The following ST6GALNAC3 variants were observed in gnomAD, a reference collection of about 807,000 sequenced individuals.
ST6GALNAC3 encodes ST6 N-acetylgalactosaminide alpha-2,6-sialyltransferase 3, also known as alpha-N-acetylgalactosaminide alpha-2,6-sialyltransferase 3.
A neutral mutation model predicts 32.7 loss-of-function variants in ST6GALNAC3; 25 were observed. The observed-to-expected ratio is 0.76, with a 90% CI of 0.56 to 1.07. The LOEUF is 1.07. ST6GALNAC3 is among the 50% of genes least tolerant of loss of function. ST6GALNAC3 has a pLI of 0.00. For missense variants in ST6GALNAC3, 355 were observed against 382.4 expected (o/e 0.93, Z 0.60); for synonymous variants, 129 against 133.1 (o/e 0.97, Z 0.21).
At chr1:76,489,309 A>G (rs1028019908) in intron 3 of ST6GALNAC3, among the ~76,000 whole-genome samples, 2 of 151,886 alleles carry the variant, frequency 1.3e-5, no homozygotes, top group African/African-American at 4.8e-5. Context: ...TAAAACTATT[A>G]TGTTCCTCAT....
At chr1:76,535,579 T>TA (rs966560508) in intron 3 of ST6GALNAC3, among the ~76,000 whole-genome samples, 29 of 152,268 alleles carry the variant, frequency 1.9e-4, no homozygotes, top group African/African-American at 6.7e-4. Flanking sequence ...CAATCTATTT[T>TA]AAAAAATGAC....
chr1:76,291,403 C>T (rs1227681641), intron 1 of ST6GALNAC3, among the ~76,000 whole-genome samples: 1 of 152,216 alleles, frequency 6.6e-6, no homozygotes. Flanking sequence ...GAGCATGAGG[C>T]CCGGCCAATT....
At chr1:76,505,406 G>C (rs1005567886) in intron 3 of ST6GALNAC3, among the ~76,000 whole-genome samples, 1 of 152,144 alleles carries the variant, frequency 6.6e-6, no homozygotes, top group African/African-American at 2.4e-5. Context: ...ACAGGCATGA[G>C]CCACTGCGCC....
intron 1 of ST6GALNAC3, among the ~76,000 whole-genome samples, chr1:76,088,655 T>A (rs1646997053): frequency 6.6e-6 from 1 of 152,096 alleles, no homozygotes; most frequent in Non-Finnish European, 1.5e-5. Context: ...GCCAGAGTGA[T>A]CTTTTAAAAA....
intron 3 of ST6GALNAC3, among the ~76,000 whole-genome samples, chr1:76,418,461 C>T (rs1365183760): frequency 1.3e-5 from 2 of 152,142 alleles, no homozygotes; most frequent in Non-Finnish European, 1.5e-5. Flanking sequence ...CAGAAATGTG[C>T]ATAGTTTGCC....
At chr1:76,244,073 C>T (rs1657119102) in intron 1 of ST6GALNAC3, among the ~76,000 whole-genome samples, 1 of 152,140 alleles carries the variant, frequency 6.6e-6, no homozygotes, top group African/African-American at 2.4e-5. Context: ...TTCTTCCTAT[C>T]CATGAACATG....
At chr1:76,521,309 A>ACG (rs371990426) in intron 3 of ST6GALNAC3, among the ~76,000 whole-genome samples, 16 of 151,522 alleles carry the variant, frequency 1.1e-4, no homozygotes, top group East Asian at 3.9e-4. Flanking sequence ...ACACACACAC[A>ACG]CGCGCGTACA....
intron 3 of ST6GALNAC3, among the ~76,000 whole-genome samples, chr1:76,494,743 G>GCATGCA (rs1553127735): frequency 7.7e-6 from 1 of 130,332 alleles, no homozygotes; most frequent in Non-Finnish European, 1.6e-5. Flanking sequence ...TCATGTGTAT[G>GCATGCA]CACACACACA....
chr1:76,248,743 C>A (rs1352572717), intron 1 of ST6GALNAC3, among the ~76,000 whole-genome samples: 1 of 151,964 alleles, frequency 6.6e-6, no homozygotes, highest in African/African-American at 2.4e-5. Flanking sequence ...CCTCTTCTAC[C>A]CTTTTCCTTC....
At position 76,628,915 on chromosome 1, in the gene ST6GALNAC3, A is replaced by C; in HGVS notation, c.*109A>C. The C allele has an allele frequency of 6.5e-7, 1 of 1,539,480 alleles. No individual in the cohort carries two copies. Among genetic ancestry groups the C allele is most frequent in the South Asian group, 1.2e-5 (1 of 80,428 alleles). ...GGTAATGATAAAGACAACAACAATG[A>C]TTATCAAGTTCCTGTACACTCTCAG... On this transcript the variant is annotated 3_prime_UTR_variant, in exon 5 of 5. Transcript: ENST00000328299.
intron 1 of ST6GALNAC3, among the ~76,000 whole-genome samples, chr1:76,166,082 T>C (rs1220261447): frequency 6.6e-6 from 1 of 152,214 alleles, no homozygotes; most frequent in Admixed American, 6.5e-5. Context: ...ATGAAATCTT[T>C]CCCTGTTTCT....
chr1:76,111,881 C>G (rs1201546807), intron 1 of ST6GALNAC3, among the ~76,000 whole-genome samples: 1 of 152,186 alleles, frequency 6.6e-6, no homozygotes, highest in African/African-American at 2.4e-5. Context: ...TCAATCTTTT[C>G]CCCACCTTTC....
At chr1:76,368,788 A>G (rs950992568) in intron 2 of ST6GALNAC3, among the ~76,000 whole-genome samples, 1 of 152,204 alleles carries the variant, frequency 6.6e-6, no homozygotes, top group Non-Finnish European at 1.5e-5. Context: ...GTAACAAAGC[A>G]AAGGTTTAAC....
At chr1:76,557,224 C>T (rs1294314214) in intron 3 of ST6GALNAC3, among the ~76,000 whole-genome samples, 4 of 151,986 alleles carry the variant, frequency 2.6e-5, no homozygotes, top group African/African-American at 9.7e-5. Context: ...AAGTTTATTC[C>T]ATTGATCTTC....
At chr1:76,576,885 C>A (rs1646818852) in intron 3 of ST6GALNAC3, 12 of 1,304,442 alleles carry the variant, frequency 9.2e-6, no homozygotes, top group Non-Finnish European at 1.2e-5. Context: ...CGAACAGCAA[C>A]CACCACATAC....
At chr1:76,320,461 G>A (rs1403413644) in intron 2 of ST6GALNAC3, among the ~76,000 whole-genome samples, 1 of 151,962 alleles carries the variant, frequency 6.6e-6, no homozygotes, top group Non-Finnish European at 1.5e-5. Flanking sequence ...ACTATGTAGG[G>A]GGTCACTTCT....
chr1:76,362,508 G>A (rs1280246707), intron 2 of ST6GALNAC3, among the ~76,000 whole-genome samples: 2 of 152,204 alleles, frequency 1.3e-5, no homozygotes, highest in Non-Finnish European at 2.9e-5. Context: ...TCAACAGTCC[G>A]AAGTCCAAAG....
At chr1:76,174,662 T>C (rs187891008) in intron 1 of ST6GALNAC3, among the ~76,000 whole-genome samples, 778 of 68,990 alleles carry the variant, frequency 0.011, 6 homozygotes, top group African/African-American at 0.023. Context: ...CTTTTTCTTT[T>C]CTTTTTTTTT....
At chr1:76,224,186 C>T (rs570435373) in intron 1 of ST6GALNAC3, among the ~76,000 whole-genome samples, 1 of 152,254 alleles carries the variant, frequency 6.6e-6, no homozygotes, top group African/African-American at 2.4e-5. Context: ...TTGAAACCTT[C>T]AAGATTTTAC....
Sources: gnomAD v4.1 joint callset for allele counts (sites outside exome capture counted in the v4.1 genomes callset) on GRCh38, gnomAD v4.1.1 for gene constraint, MANE v1.5 for transcripts, NCBI Gene and HGNC (gene_info 2026-07-23, HGNC 2026-07-21) for gene names.